Variants in CADM2 observed in about 807,000 individuals in gnomAD.
CADM2 encodes the protein immunoglobulin superfamily member 4D.
Under a neutral mutation model 49.8 loss-of-function variants are expected in CADM2, and 12 were observed. The ratio of observed to expected loss-of-function variants is 0.24; its 90% CI spans 0.15 to 0.39. The LOEUF is 0.39. Ranked by LOEUF, CADM2 falls within the 10% of genes least tolerant of loss-of-function variation. CADM2 has a pLI of 1.00. For synonymous variants in CADM2, 214 were observed against 175.4 expected (o/e 1.22, Z -1.74); for missense variants, 378 against 492.3 (o/e 0.77, Z 2.20).
chr3:85,082,757 T>G (rs2037216759), intron 1 of CADM2, among the ~76,000 whole-genome samples: 1 of 152,080 alleles, frequency 6.6e-6, no homozygotes, highest in Admixed American at 6.6e-5. Context: ...TGAGGAGCCA[T>G]CATATTACAA....
At chr3:85,271,566 A>G (rs948857981) in intron 1 of CADM2, among the ~76,000 whole-genome samples, 3 of 151,232 alleles carry the variant, frequency 2.0e-5, no homozygotes, top group Non-Finnish European at 3.0e-5. Context: ...GCCTAAGGTC[A>G]TGATGCTTTA....
intron 1 of CADM2, among the ~76,000 whole-genome samples, chr3:85,166,820 G>A (rs2040482642): frequency 6.6e-6 from 1 of 151,924 alleles, no homozygotes; most frequent in African/African-American, 2.4e-5. Flanking sequence ...CTCGGATGAT[G>A]AAAATATTAA....
chr3:85,621,297 G>A lies in CADM2; in HGVS notation c.62-105225G>A, dbSNP rs567184496. Reference sequence around the variant, plus strand: ...GAGATGTTATATAAACCAGTGTATAGAAGCTGCTTTCAAATTTCCTGAGTT... The same window carrying A: ...GAGATGTTATATAAACCAGTGTATAAAAGCTGCTTTCAAATTTCCTGAGTT... On this transcript the variant is annotated intron_variant, in intron 1 of 9. Transcript: ENST00000383699. Among the ~76,000 whole-genome samples the A allele has an allele frequency of 3.9e-5, 6 of 152,146 alleles. No individual in the cohort carries two copies. In the South Asian group the frequency reaches 1.2e-3, roughly 31 times the overall value.
intron 1 of CADM2, among the ~76,000 whole-genome samples, chr3:85,500,272 T>C (rs2040060619): frequency 6.6e-6 from 1 of 152,110 alleles, no homozygotes; most frequent in Non-Finnish European, 1.5e-5. Context: ...ATATATTTTT[T>C]CAGGAATCAT....
At chr3:85,674,829 T>C (rs1221583925) in intron 1 of CADM2, among the ~76,000 whole-genome samples, 2 of 152,162 alleles carry the variant, frequency 1.3e-5, no homozygotes, top group Non-Finnish European at 2.9e-5. Context: ...ATGCCATTCA[T>C]GTGAATAGAA....
intron 3 of CADM2, among the ~76,000 whole-genome samples, chr3:85,867,816 G>T (rs1418002453): frequency 6.6e-6 from 1 of 152,022 alleles, no homozygotes; most frequent in Non-Finnish European, 1.5e-5. Context: ...AGTATAAGAA[G>T]ACCTTCACGT....
chr3:85,831,480 C>A (rs1390811600), intron 3 of CADM2, among the ~76,000 whole-genome samples: 1 of 151,988 alleles, frequency 6.6e-6, no homozygotes, highest in Non-Finnish European at 1.5e-5. Flanking sequence ...TCTCTGCAAC[C>A]TTGCCAGAAT....
chr3:85,115,251 A>G (rs891985179), intron 1 of CADM2, among the ~76,000 whole-genome samples: 11 of 152,304 alleles, frequency 7.2e-5, no homozygotes, highest in South Asian at 2.1e-4. Context: ...GGAAAATGCT[A>G]TAAGTTAATA....
At chr3:85,948,717 T>A (rs551419520) in intron 7 of CADM2, among the ~76,000 whole-genome samples, 1 of 150,800 alleles carries the variant, frequency 6.6e-6, no homozygotes, top group African/African-American at 2.4e-5. Flanking sequence ...CTAAATAAAA[T>A]AATAAAATAA....
chr3:85,179,885 C>T (rs1008454517), intron 1 of CADM2, among the ~76,000 whole-genome samples: 3 of 152,126 alleles, frequency 2.0e-5, no homozygotes, highest in Non-Finnish European at 2.9e-5. Context: ...AGTGCACCCT[C>T]ATTTATTTGA....
chr3:85,124,433 T>C (rs1439414781), intron 1 of CADM2, among the ~76,000 whole-genome samples: 1 of 151,974 alleles, frequency 6.6e-6, no homozygotes, highest in East Asian at 1.9e-4. Flanking sequence ...TGAGACTCCA[T>C]CTCTACCAAT....
chr3:86,053,924 G>A (rs1456022037), intron 8 of CADM2, among the ~76,000 whole-genome samples: 1 of 151,794 alleles, frequency 6.6e-6, no homozygotes, highest in African/African-American at 2.4e-5. Context: ...TATATTATCT[G>A]ATCTGTTATG....
At chr3:85,078,112 T>C (rs1252731780) in intron 1 of CADM2, among the ~76,000 whole-genome samples, 2 of 152,056 alleles carry the variant, frequency 1.3e-5, no homozygotes, top group Non-Finnish European at 2.9e-5. Context: ...CCAGTGATTT[T>C]ACTGGGAAAA....
chr3:85,517,656 A>G (rs1032037542), intron 1 of CADM2, among the ~76,000 whole-genome samples: 1 of 152,208 alleles, frequency 6.6e-6, no homozygotes. Context: ...TTATGCAGAC[A>G]GTATTGAAGA....
chr3:85,633,243 G>T (rs2064364789), intron 1 of CADM2, among the ~76,000 whole-genome samples: 1 of 151,886 alleles, frequency 6.6e-6, no homozygotes, highest in Non-Finnish European at 1.5e-5. Context: ...TTATTTGTTT[G>T]TTTTAAAGCT....
At chr3:85,873,824 A>G (rs1711499716) in intron 3 of CADM2, among the ~76,000 whole-genome samples, 1 of 152,102 alleles carries the variant, frequency 6.6e-6, no homozygotes, top group Non-Finnish European at 1.5e-5. Flanking sequence ...TATAATCAGT[A>G]ATTTGCTAAT....
At chr3:85,714,720 G>A (rs1274798502) in intron 1 of CADM2, among the ~76,000 whole-genome samples, 4 of 152,014 alleles carry the variant, frequency 2.6e-5, no homozygotes, top group Non-Finnish European at 5.9e-5. Context: ...GTGAGCCACC[G>A]CGCCTGGCCC....
At chr3:85,024,434 A>T (rs186350135) in intron 1 of CADM2, among the ~76,000 whole-genome samples, 1 of 152,068 alleles carries the variant, frequency 6.6e-6, no homozygotes, top group African/African-American at 2.4e-5. Context: ...TCCCTTAACC[A>T]TTATCCTATG....
At chr3:85,659,053 A>AAAT (rs71112106) in intron 1 of CADM2, among the ~76,000 whole-genome samples, 19,629 of 139,926 alleles carry the variant, frequency 0.14, 1,439 homozygotes, top group African/African-American at 0.15. Flanking sequence ...CTCTGTCTCT[A>AAAT]AATAATAATA....
Sources: allele counts gnomAD v4.1 joint callset (sites outside exome capture counted in the v4.1 genomes callset), GRCh38; gene constraint gnomAD v4.1.1; transcripts MANE v1.5; gene names NCBI Gene and HGNC (gene_info 2026-07-23, HGNC 2026-07-21).